The following SEPTIN3 variants were observed in gnomAD, a reference collection of about 807,000 sequenced individuals.
SEPTIN3 encodes the protein septin 3, also known as neuronal-specific septin-3.
A neutral mutation model predicts 45.1 loss-of-function variants in SEPTIN3; 15 were observed. That is an observed-to-expected ratio of 0.33 (90% CI 0.22 to 0.51). SEPTIN3 has a LOEUF of 0.51. Ranked by LOEUF, SEPTIN3 falls within the 20% of genes least tolerant of loss-of-function variation. The pLI, the probability that SEPTIN3 is intolerant of heterozygous loss-of-function variation, is 0.97. For synonymous variants in SEPTIN3, 148 were observed against 164.8 expected (o/e 0.90, Z 0.78); for missense variants, 289 against 457.2 (o/e 0.63, Z 3.35).
chr22:41,984,073 T>G lies in SEPTIN3; in HGVS notation c.1697-1911T>G, dbSNP rs2078163494. 2.6e-5 allele frequency among the ~76,000 whole-genome samples: 4 copies of G among 152,286 alleles called. No homozygotes were observed. In the South Asian group the frequency reaches 6.2e-4, roughly 24 times the overall value. ...CTAGTCAGTCATGGCACGTGTTCAG[T>G]GCTGAGCCCAGATGTAGCCTTTTTA... On this transcript the variant is annotated intron_variant, in intron 3 of 11. Coordinates refer to ENST00000644076, the MANE Select transcript of SEPTIN3 (RefSeq NM_001363845.2).
intron 2 of SEPTIN3, among the ~76,000 whole-genome samples, chr22:41,978,988 C>G (rs2078078140): frequency 6.6e-6 from 1 of 152,042 alleles, no homozygotes; most frequent in South Asian, 2.1e-4. Context: ...GCACAGTGAC[C>G]TGCACACATT....
chr22:41,989,852 G>A (rs1286158453), intron 7 of SEPTIN3, among the ~76,000 whole-genome samples, 168 bp downstream of exon 7: 1 of 151,808 alleles, frequency 6.6e-6, no homozygotes, highest in Non-Finnish European at 1.5e-5. Context: ...TGAGGTTGGT[G>A]GTATCTGGGG....
At chr22:41,987,335 G>T (rs2078225459) in intron 5 of SEPTIN3, 48 bp downstream of exon 5, 26 of 1,499,764 alleles carry the variant, frequency 1.7e-5, no homozygotes, top group Non-Finnish European at 2.4e-5. Flanking sequence ...CTGCTGGGAA[G>T]ATACTTACTA....
intron 2 of SEPTIN3, among the ~76,000 whole-genome samples, chr22:41,978,251 T>G (rs1471629955): frequency 6.6e-6 from 1 of 152,194 alleles, no homozygotes; most frequent in African/African-American, 2.4e-5. Flanking sequence ...TGCCTCACTC[T>G]GAAGTTCTCA....
At chr22:41,993,602 T>A (rs1039153868) in intron 9 of SEPTIN3, among the ~76,000 whole-genome samples, 2 of 152,190 alleles carry the variant, frequency 1.3e-5, no homozygotes, top group Admixed American at 6.6e-5. Context: ...GTGATCCATT[T>A]GCCTTGGCCT....
At chr22:41,977,198 G>A (rs902585718) in intron 2 of SEPTIN3, 27 of 882,258 alleles carry the variant, frequency 3.1e-5, no homozygotes, top group Non-Finnish European at 3.8e-5. Context: ...TGACAGATGC[G>A]CGGACACACG....
At chr22:41,982,906 A>G (rs1327637873) in intron 3 of SEPTIN3, among the ~76,000 whole-genome samples, 2 of 147,666 alleles carry the variant, frequency 1.4e-5, no homozygotes, top group African/African-American at 5.1e-5. Context: ...AAAAAAGAAG[A>G]AAAAAAAAAG....
rs184455953 is a variant in SEPTIN3, at chr22:41,986,024, C to T, written c.1737C>T (p.Leu579=). 52 of 1,613,510 alleles carry T rather than the reference C, an allele frequency of 3.2e-5. No homozygotes were observed. The highest frequency in any genetic ancestry group is 4.4e-5 in the Non-Finnish European group (52 of 1,179,702). Residue 579 remains leucine, a synonymous_variant, in exon 4 of 12, where the codon CTC becomes CTT. Coordinates refer to ENST00000644076, the MANE Select transcript of SEPTIN3 (RefSeq NM_001363845.2). Reference sequence around the variant, plus strand: ...GCAAATCAACGCTGGTCAACACGCTCTTCAAATCCCAAGTGAGCCGCAAGG... The same window carrying T: ...GCAAATCAACGCTGGTCAACACGCTTTTCAAATCCCAAGTGAGCCGCAAGG... ...GLGKSTLVNT[L]FKSQVSRKAS...
At chr22:41,983,036 C>T (rs977005617) in intron 3 of SEPTIN3, among the ~76,000 whole-genome samples, 22 of 152,322 alleles carry the variant, frequency 1.4e-4, no homozygotes, top group Admixed American at 1.2e-3. Flanking sequence ...CCAGTCCTGT[C>T]CATTTTACCT....
At position 41,971,806 on chromosome 22, in the gene SEPTIN3, A is replaced by G. The variant is rs1223655955; in HGVS notation, c.314A>G (p.Lys105Arg). The change falls in exon 2 of 12, where the codon AAG becomes AGG. Residue 105 changes from lysine (K) to arginine (R), a missense_variant. Physicochemically the swap from Lys to Arg is conservative, Grantham distance 26 (BLOSUM62 2). This residue lies in a region of SEPTIN3 where 200 missense variants were observed against 315.1 expected (regional missense o/e 0.63). Coordinates refer to ENST00000644076, the MANE Select transcript of SEPTIN3 (RefSeq NM_001363845.2). ...PLPTSSLVPR[K>R]LSSISLTLHQ... ...CCCACCAGCAGCCTTGTACCCAGGA[A>G]GCTCAGCTCCATCTCCTTGACTCTC... 5.0e-6 allele frequency: 2 copies of G among 399,170 alleles called. No homozygotes were observed. Among genetic ancestry groups the G allele is most frequent in the African/African-American group, 4.1e-5 (2 of 48,622 alleles). The allele number at this position is 399,170 out of a possible 1,614,324, so 24.7% of individuals were successfully genotyped here. A position where few individuals can be genotyped will look rare whatever the true frequency, so the allele number is the denominator to read the frequency against.
intron 8 of SEPTIN3, 31 bp from the exon 9 acceptor site, chr22:41,992,633 T>G: frequency 6.8e-7 from 1 of 1,460,258 alleles, no homozygotes; most frequent in Non-Finnish European, 9.4e-7. Context: ...ACGGTGCACA[T>G]GTGTCTGGTT....
chr22:41,971,256 G>C (rs972987935), intron 1 of SEPTIN3, among the ~76,000 whole-genome samples: 2 of 152,148 alleles, frequency 1.3e-5, no homozygotes, highest in Non-Finnish European at 2.9e-5. Flanking sequence ...TGGCCGGGGT[G>C]GGGTAGGTAT....
intron 3 of SEPTIN3, among the ~76,000 whole-genome samples, chr22:41,982,945 G>C (rs947401407): frequency 2.6e-5 from 4 of 151,608 alleles, no homozygotes; most frequent in Admixed American, 2.6e-4. Context: ...CCCCGTCTCA[G>C]TGAGATGTCC....
rs1203878750 is a variant in SEPTIN3 at position 41,976,863 on chromosome 22, G to A, written c.1504+3867G>A. On this transcript the variant is annotated intron_variant, in intron 2 of 11. Coordinates refer to ENST00000644076, the MANE Select transcript of SEPTIN3 (RefSeq NM_001363845.2). This position sits in a 1 kb window ranked among gnomAD's most constrained non-coding sequence, Gnocchi z 5.8. ...GGCGGCGCGGCGCCGAGCGAGCCGA[G>A]GCGAGGTCCCGGGGAGGGCGCGGCG... 6.2e-6 allele frequency: 1 copy of A among 160,558 alleles called. No homozygotes were observed. Among genetic ancestry groups the A allele is most frequent in the Non-Finnish European group, 1.3e-5 (1 of 78,092 alleles). The allele number at this position is 160,558 out of a possible 1,614,324, so 9.9% of individuals were successfully genotyped here. A position where few individuals can be genotyped will look rare whatever the true frequency, so the allele number is the denominator to read the frequency against.
chr22:41,985,000 C>T (rs1602416231), intron 3 of SEPTIN3, among the ~76,000 whole-genome samples: 1 of 152,168 alleles, frequency 6.6e-6, no homozygotes, highest in South Asian at 2.1e-4. Context: ...CTACAGGCGC[C>T]TGCCACCACG....
At chr22:41,977,351 G>GCA (rs145291023) in intron 2 of SEPTIN3, among the ~76,000 whole-genome samples, 250 of 151,330 alleles carry the variant, frequency 1.7e-3, no homozygotes, top group Middle Eastern at 0.014. Context: ...ACCAAGACAC[G>GCA]CACACACACA....
At chr22:41,978,648 C>T (rs1164211686) in intron 2 of SEPTIN3, among the ~76,000 whole-genome samples, 1 of 152,176 alleles carries the variant, frequency 6.6e-6, no homozygotes, top group East Asian at 1.9e-4. Flanking sequence ...GGCACCCTTA[C>T]CAGACAGGGG....
At chr22:41,992,963 C>A (rs2078342649) in intron 9 of SEPTIN3, among the ~76,000 whole-genome samples, 200 bp downstream of exon 9, 1 of 152,196 alleles carries the variant, frequency 6.6e-6, no homozygotes, top group African/African-American at 2.4e-5. Flanking sequence ...TAGCACCTGA[C>A]TGGGTGGCAC....
At chr22:41,977,535 AG>A in intron 2 of SEPTIN3, among the ~76,000 whole-genome samples, 1 of 152,096 alleles carries the variant, frequency 6.6e-6, no homozygotes, top group Non-Finnish European at 1.5e-5. Context: ...CGGGTGTCCC[AG>A]GGCCCTCTGC....
Sources: allele counts gnomAD v4.1 joint callset (sites outside exome capture counted in the v4.1 genomes callset), GRCh38; gene constraint gnomAD v4.1.1; regional missense constraint gnomAD v4.1.1; non-coding constraint Gnocchi (gnomAD v3.1); transcripts MANE v1.5; gene names NCBI Gene and HGNC (gene_info 2026-07-23, HGNC 2026-07-21).